Variants in DAB2 observed in about 807,000 individuals in gnomAD.
The protein encoded by DAB2 is disabled homolog 2.
In DAB2, 28 loss-of-function variants were observed where a neutral mutation model predicts 71.6. That is an observed-to-expected ratio of 0.39 (90% confidence interval 0.29 to 0.54). DAB2 has a LOEUF of 0.54. DAB2 is among the 20% of genes least tolerant of loss of function. The pLI, the probability that DAB2 is intolerant of heterozygous loss-of-function variation, is 0.68. For missense variants in DAB2, 867 were observed against 928.8 expected (o/e 0.93, Z 0.86); for synonymous variants, 345 against 339.7 (o/e 1.02, Z -0.17).
chr5:39,389,896 G>T lies in DAB2; in HGVS notation c.499C>A (p.Gln167Lys). Residue 167 changes from glutamine (Q) to lysine (K), a missense_variant, in exon 6 of 15, where the codon CAA becomes AAA. This residue lies in a region of DAB2 where 740 missense variants were observed against 734.3 expected (regional missense o/e 1.01). Coordinates refer to ENST00000320816, the MANE Select transcript of DAB2 (RefSeq NM_001343.4). ...TTTTTCTTTACATTATAGATAACTTGAAAAAGGTCTTTAAGATCAACAACT... is the reference window on the plus strand; with the variant it reads ...TTTTTCTTTACATTATAGATAACTTTAAAAAGGTCTTTAAGATCAACAACT... ...PLVVDLKDLF[Q>K]VIYNVKKKEE... is the part of the protein sequence containing the mutation. The T allele has an allele frequency of 6.3e-7, 1 of 1,594,900 alleles. No individual in the cohort carries two copies. The highest frequency in any genetic ancestry group is 8.6e-7 in the Non-Finnish European group (1 of 1,168,968).
chr5:39,406,171 A>G (rs1755605073), intron 1 of DAB2, among the ~76,000 whole-genome samples: 1 of 152,190 alleles, frequency 6.6e-6, no homozygotes, highest in African/African-American at 2.4e-5. Flanking sequence ...AAGAATTCCC[A>G]TAACAGGAAG....
rs938425149 is a variant in DAB2 at position 39,372,244 on chromosome 5, G to A, written c.*1187C>T. ...GAGGAGAAAAATATTGCAGACATTA[G>A]ATTTTCAATGGTAACCCCAAACATT... On this transcript the variant is annotated 3_prime_UTR_variant, in exon 15 of 15. Coordinates refer to ENST00000320816, the MANE Select transcript of DAB2 (RefSeq NM_001343.4). 1 of 152,176 alleles carries A rather than the reference G, an allele frequency of 6.6e-6. No individual in the cohort carries two copies. The highest frequency in any genetic ancestry group is 2.4e-5 in the African/African-American group (1 of 41,450). The allele number at this position is 152,176 out of a possible 1,614,324, so 9.4% of individuals were successfully genotyped here. A position where few individuals can be genotyped will look rare whatever the true frequency, so the allele number is the denominator to read the frequency against.
chr5:39,410,542 A>G (rs560708086), intron 1 of DAB2, among the ~76,000 whole-genome samples: 2 of 152,178 alleles, frequency 1.3e-5, no homozygotes, highest in African/African-American at 4.8e-5. Flanking sequence ...TAGGGTACCA[A>G]ATAAACTGCT....
chr5:39,390,375 T>G, intron 5 of DAB2, 69 bp downstream of exon 5: 1 of 1,518,842 alleles, frequency 6.6e-7, no homozygotes, highest in Non-Finnish European at 8.9e-7. Context: ...AATCTTTTAG[T>G]TGAGTGACAG....
In DAB2 at chr5:39,404,799, G is replaced by A. The variant is rs903303764; in HGVS notation, c.-101-10378C>T. 3.9e-5 allele frequency among the ~76,000 whole-genome samples: 6 copies of A among 152,196 alleles called. 1 individual carries two copies. Among genetic ancestry groups the A allele is most frequent in the Admixed American group, 3.3e-4 (5 of 15,298 alleles). ...TCACTATGTTGGCCAGGCTGGTCTC[G>A]AACTCCTGGCCTTAGGCAATCCACC... On this transcript the variant is annotated intron_variant, in intron 1 of 14. Coordinates refer to ENST00000320816, the MANE Select transcript of DAB2 (RefSeq NM_001343.4).
chr5:39,376,965 G>A lies in DAB2; in HGVS notation c.1822C>T (p.Pro608Ser). The change falls in exon 12 of 15, where the codon CCC becomes TCC. Residue 608 changes from proline (P) to serine (S), a missense_variant. Transcript: ENST00000320816. Reference protein sequence around the residue: ...IFPAPAVSTQPPSMHSSLLVT... With the variant: ...IFPAPAVSTQSPSMHSSLLVT... ...AGGAGAGAGGAGTGCATGGATGGGG[G>A]CTGAGTGGACACAGCAGGAGCTGGA... The A allele has an allele frequency of 1.9e-6, 3 of 1,614,110 alleles. No homozygotes were observed. Among genetic ancestry groups the A allele is most frequent in the Non-Finnish European group, 2.5e-6 (3 of 1,180,002 alleles).
intron 1 of DAB2, among the ~76,000 whole-genome samples, chr5:39,403,993 G>A (rs62358452): frequency 0.033 from 5,083 of 152,028 alleles, 109 homozygotes; most frequent in Middle Eastern, 0.044. Context: ...ATTCCATGGT[G>A]TATGTGCCAC....
At chr5:39,416,502 A>G (rs1363244932) in intron 1 of DAB2, among the ~76,000 whole-genome samples, 3 of 152,116 alleles carry the variant, frequency 2.0e-5, no homozygotes, top group Non-Finnish European at 4.4e-5. Flanking sequence ...CAGGCTGTGG[A>G]CTATACATAT....
chr5:39,416,285 G>A (rs1432305758), intron 1 of DAB2, among the ~76,000 whole-genome samples: 2 of 152,214 alleles, frequency 1.3e-5, no homozygotes, highest in Non-Finnish European at 2.9e-5. Flanking sequence ...AACTCTTTAT[G>A]GGATGAGCTC....
rs757824194 is a variant in DAB2, at chr5:39,388,330, G to A, written c.662C>T (p.Thr221Ile). The A allele has an allele frequency of 1.9e-6, 3 of 1,612,760 alleles. No homozygotes were observed. The highest frequency in any genetic ancestry group is 2.5e-6 in the Non-Finnish European group (3 of 1,179,072). Reference sequence around the variant, plus strand: ...TGTTGGACTATTTAGGTCAGGAGGTGTAGACATGTCCCCAAACAAATCCAT... The same window carrying A: ...TGTTGGACTATTTAGGTCAGGAGGTATAGACATGTCCCCAAACAAATCCAT... ...DQMDLFGDMSTPPDLNSPTES... is the reference protein window; with the variant it reads ...DQMDLFGDMSIPPDLNSPTES... The change falls in exon 9 of 15, where the codon ACA (threonine) becomes ATA (isoleucine). Residue 221 changes from threonine (T) to isoleucine (I), a missense_variant. Around this residue, in one of 2 missense-constraint regions of DAB2, gnomAD observed 740 missense variants for 734.3 expected, o/e 1.01. Transcript: ENST00000320816.
At chr5:39,397,256 T>C (rs1008390194) in intron 1 of DAB2, among the ~76,000 whole-genome samples, 7 of 152,228 alleles carry the variant, frequency 4.6e-5, no homozygotes, top group African/African-American at 1.7e-4. Context: ...TGGCATACTC[T>C]CTCCAGGCCA....
chr5:39,388,188 G>T, intron 9 of DAB2, 117 bp downstream of exon 9: 1 of 736,146 alleles, frequency 1.4e-6, no homozygotes, highest in Non-Finnish European at 2.3e-6. Context: ...CACTTCATTT[G>T]CAAAAATCAA....
At chr5:39,404,435 A>G (rs1012516232) in intron 1 of DAB2, among the ~76,000 whole-genome samples, 1 of 149,602 alleles carries the variant, frequency 6.7e-6, no homozygotes, top group African/African-American at 2.5e-5. Context: ...TAAATAAATA[A>G]AAAATAAATG....
At position 39,389,952 on chromosome 5, in the gene DAB2, T is replaced by C. The variant is rs1264253890; in HGVS notation, c.463-20A>G. On this transcript the variant is annotated intron_variant, in intron 5 of 14. Transcript: ENST00000320816. The stretch of plus-strand genomic sequence containing the variant: ...TTCAGCCTGCAGTAAGGGAAAGCAC[T>C]GTTATCCGTATTTTAATTTTAGTAT... The C allele has an allele frequency of 2.0e-6, 3 of 1,464,358 alleles. No individual in the cohort carries two copies. Among genetic ancestry groups the C allele is most frequent in the African/African-American group, 2.9e-5 (2 of 69,346 alleles). The allele number at this position is 1,464,358 out of a possible 1,614,324, so 90.7% of individuals were successfully genotyped here. A position where few individuals can be genotyped will look rare whatever the true frequency, so the allele number is the denominator to read the frequency against.
At chr5:39,375,650 C>T (rs1208560711) in intron 13 of DAB2, among the ~76,000 whole-genome samples, 1 of 152,100 alleles carries the variant, frequency 6.6e-6, no homozygotes, top group Non-Finnish European at 1.5e-5. Flanking sequence ...TGAGGGAGGC[C>T]AAGGCAGATG....
chr5:39,414,935 C>T (rs1325514122), intron 1 of DAB2, among the ~76,000 whole-genome samples: 1 of 151,998 alleles, frequency 6.6e-6, no homozygotes, highest in Non-Finnish European at 1.5e-5. Flanking sequence ...TAGACATGGT[C>T]TCTACTCTAA....
In DAB2 at chr5:39,390,778, T is replaced by G. The variant is rs941989632; in HGVS notation, c.331-203A>C. Among the ~76,000 whole-genome samples the G allele has an allele frequency of 2.0e-5, 3 of 152,182 alleles. No individual in the cohort carries two copies. The East Asian group carries it at 5.8e-4, about 29-fold the overall frequency. On this transcript the variant is annotated intron_variant, in intron 4 of 14. Coordinates refer to ENST00000320816, the MANE Select transcript of DAB2 (RefSeq NM_001343.4). ...AAGAAAGAAGAATAGAAAACGTAAG[T>G]GGGAAGAATGTTCCTTCTTAAAATA... is the stretch of plus-strand genomic sequence containing the variant.
chr5:39,402,753 G>A (rs1050717998), intron 1 of DAB2, among the ~76,000 whole-genome samples: 1 of 152,166 alleles, frequency 6.6e-6, no homozygotes, highest in African/African-American at 2.4e-5. Flanking sequence ...GTGGAAAAGT[G>A]AGATGGTTTG....
At chr5:39,376,613 G>A (rs754858064) in intron 12 of DAB2, 37 bp downstream of exon 12, 1 of 1,600,910 alleles carries the variant, frequency 6.2e-7, no homozygotes, top group East Asian at 2.2e-5. Flanking sequence ...AGTGGAGATA[G>A]TTGTTGGAAC....
Sources: allele counts gnomAD v4.1 joint callset (sites outside exome capture counted in the v4.1 genomes callset), GRCh38; gene constraint gnomAD v4.1.1; regional missense constraint gnomAD v4.1.1; transcripts MANE v1.5; gene names NCBI Gene and HGNC (gene_info 2026-07-23, HGNC 2026-07-21).